Variants in ADGRL2 observed in about 807,000 individuals in gnomAD.
ADGRL2 encodes calcium-independent alpha-latrotoxin receptor 2.
Under a neutral mutation model 157.4 loss-of-function variants are expected in ADGRL2, and 44 were observed. The ratio of observed to expected loss-of-function variants is 0.28; its 90% CI spans 0.22 to 0.36. The LOEUF is 0.36. ADGRL2 is among the 10% of genes least tolerant of loss of function. The pLI is 1.00. For missense variants in ADGRL2, 1,510 were observed against 1,768.9 expected (o/e 0.85, Z 2.63); for synonymous variants, 585 against 624.7 (o/e 0.94, Z 0.95).
At chr1:81,547,939 A>T (rs2080057773) in intron 2 of ADGRL2, among the ~76,000 whole-genome samples, 1 of 152,202 alleles carries the variant, frequency 6.6e-6, no homozygotes, top group Non-Finnish European at 1.5e-5. Flanking sequence ...ACTGTGCATC[A>T]ATGTTATTTT....
chr1:81,857,928 A>G (rs2150688277), intron 2 of ADGRL2, among the ~76,000 whole-genome samples: 1 of 152,168 alleles, frequency 6.6e-6, no homozygotes, highest in African/African-American at 2.4e-5. Context: ...TATCAACCAA[A>G]TCTTTCCTTT....
At chr1:81,850,589 G>T (rs1440406831) in intron 2 of ADGRL2, among the ~76,000 whole-genome samples, 1 of 151,730 alleles carries the variant, frequency 6.6e-6, no homozygotes, top group African/African-American at 2.4e-5. Flanking sequence ...TTCATTCTTT[G>T]ACCTATTCAG....
At chr1:81,485,120 T>C (rs11163308) in intron 2 of ADGRL2, among the ~76,000 whole-genome samples, 87,516 of 150,774 alleles carry the variant, frequency 0.58, 28,083 homozygotes, top group Non-Finnish European at 0.72. Flanking sequence ...ACTTGGAAAT[T>C]AGGTCTAAAG....
chr1:81,537,473 GC>G (rs2079769438), intron 2 of ADGRL2, among the ~76,000 whole-genome samples: 1 of 151,274 alleles, frequency 6.6e-6, no homozygotes, highest in East Asian at 2.0e-4. Context: ...TTTAGTAGAG[GC>G]GGGGTTTCTC....
chr1:81,531,997 A>C (rs1337913690), intron 2 of ADGRL2, among the ~76,000 whole-genome samples: 2 of 152,196 alleles, frequency 1.3e-5, no homozygotes, highest in Non-Finnish European at 2.9e-5. Context: ...CATCCCAAAT[A>C]ACTGAAGTCT....
At chr1:81,374,578 G>GAAAAAGAAAAAACAAA (rs1553158620) in intron 1 of ADGRL2, among the ~76,000 whole-genome samples, 1 of 130,256 alleles carries the variant, frequency 7.7e-6, no homozygotes, top group Non-Finnish European at 1.6e-5. Context: ...TCTCAAAAAA[G>GAAAAAGAAAAAACAAA]AAAAAAAAAA....
At chr1:81,615,670 A>G (rs1309773681) in intron 3 of ADGRL2, among the ~76,000 whole-genome samples, 1 of 152,150 alleles carries the variant, frequency 6.6e-6, no homozygotes, top group Non-Finnish European at 1.5e-5. Context: ...TGGTTTCTAG[A>G]TTTTGCTTTT....
At chr1:81,366,465 A>G (rs886716346) in intron 1 of ADGRL2, among the ~76,000 whole-genome samples, 3 of 152,170 alleles carry the variant, frequency 2.0e-5, no homozygotes, top group African/African-American at 7.2e-5. Flanking sequence ...TAAACACAGA[A>G]CTTATTTTAT....
chr1:81,959,863 C>T (rs1258918927), intron 11 of ADGRL2, among the ~76,000 whole-genome samples: 5 of 151,386 alleles, frequency 3.3e-5, no homozygotes, highest in Admixed American at 1.3e-4. Context: ...TGCAATGGCG[C>T]GATCTTGGCT....
At chr1:81,420,383 G>C (rs1423339417) in intron 1 of ADGRL2, among the ~76,000 whole-genome samples, 1 of 151,994 alleles carries the variant, frequency 6.6e-6, no homozygotes, top group African/African-American at 2.4e-5. Flanking sequence ...TAAAACTAGA[G>C]CAAAAAAGCC....
intron 3 of ADGRL2, among the ~76,000 whole-genome samples, chr1:81,625,455 G>A (rs1399479273): frequency 3.3e-5 from 5 of 152,028 alleles, no homozygotes; most frequent in African/African-American, 4.8e-5. Flanking sequence ...TTTCTTCCTC[G>A]AGTTAATGGA....
At chr1:81,837,443 ACTC>A (rs2092338796) in intron 2 of ADGRL2, among the ~76,000 whole-genome samples, 1 of 151,682 alleles carries the variant, frequency 6.6e-6, no homozygotes, top group Non-Finnish European at 1.5e-5. Context: ...TAATTCTAAA[ACTC>A]CTAAGTTAAA....
chr1:81,738,346 A>G (rs576585052), intron 1 of ADGRL2, among the ~76,000 whole-genome samples: 1 of 152,290 alleles, frequency 6.6e-6, no homozygotes, highest in South Asian at 2.1e-4. Flanking sequence ...CTATTGAAGA[A>G]GCTCTCCAGT....
chr1:81,692,522 A>G (rs370743487), intron 3 of ADGRL2, among the ~76,000 whole-genome samples: 2 of 152,314 alleles, frequency 1.3e-5, no homozygotes, highest in African/African-American at 4.8e-5. Context: ...AATAAAGTAA[A>G]AAGAAAGACC....
chr1:81,497,915 T>C (rs946709940), intron 2 of ADGRL2, among the ~76,000 whole-genome samples: 2 of 152,162 alleles, frequency 1.3e-5, no homozygotes, highest in African/African-American at 4.8e-5. Context: ...GCTGACAGAA[T>C]AGGTATGGCA....
intron 2 of ADGRL2, chr1:81,502,503 T>G: frequency 6.2e-7 from 1 of 1,613,868 alleles, no homozygotes; most frequent in Non-Finnish European, 8.5e-7. Flanking sequence ...CGAATCCCCA[T>G]CATGGCCAAA....
intron 1 of ADGRL2, among the ~76,000 whole-genome samples, chr1:81,417,714 T>C (rs4428932): frequency 0.47 from 71,966 of 152,028 alleles, 17,596 homozygotes; most frequent in Non-Finnish European, 0.54. Flanking sequence ...GTTCGAAACT[T>C]GGTTTTCTTG....
intron 2 of ADGRL2, among the ~76,000 whole-genome samples, chr1:81,837,913 G>A (rs1464659995): frequency 6.6e-6 from 1 of 151,804 alleles, no homozygotes; most frequent in Admixed American, 6.6e-5. Flanking sequence ...TTATTGGCAC[G>A]AAAATGTATT....
chr1:81,973,040 CAA>C (rs1659214998), intron 17 of ADGRL2, among the ~76,000 whole-genome samples: 1 of 151,648 alleles, frequency 6.6e-6, no homozygotes, highest in African/African-American at 2.4e-5. Context: ...AAACGTAACA[CAA>C]ATGAGCTCGT....
Sources: allele counts gnomAD v4.1 joint callset (sites outside exome capture counted in the v4.1 genomes callset), GRCh38; gene constraint gnomAD v4.1.1; transcripts MANE v1.5; gene names NCBI Gene and HGNC (gene_info 2026-07-23, HGNC 2026-07-21).